Variants in CPD observed in about 807,000 individuals in gnomAD.
CPD encodes metallocarboxypeptidase D.
Under a neutral mutation model 138.3 loss-of-function variants are expected in CPD, and 69 were observed. The observed-to-expected ratio is 0.50, with a 90% CI of 0.41 to 0.61. The LOEUF is 0.61. CPD is among the 20% of genes least tolerant of loss of function. CPD has a pLI of 0.00. For synonymous variants in CPD, 651 were observed against 642.1 expected (o/e 1.01, Z -0.21); for missense variants, 1,432 against 1,733.3 (o/e 0.83, Z 3.09).
rs748823047 is a variant in CPD, at chr17:30,427,382, A to G, written c.1850-9A>G. On this transcript the variant is annotated splice_polypyrimidine_tract_variant and intron_variant, in intron 6 of 20. Transcript: ENST00000225719. ...GGCTTATATTCAAATCCTTTATCAT[A>G]TCATACAGGAGATTCAATAAGTGTA... 3.7e-6 allele frequency: 6 copies of G among 1,612,998 alleles called. No individual in the cohort carries two copies. The highest frequency in any genetic ancestry group is 4.2e-6 in the Non-Finnish European group (5 of 1,179,122).
At chr17:30,463,975 T>C (rs1292854977) in intron 20 of CPD, among the ~76,000 whole-genome samples, 6 of 151,962 alleles carry the variant, frequency 3.9e-5, no homozygotes, top group Admixed American at 2.6e-4. Context: ...TTGGATGAAA[T>C]GAAAGTTTAC....
At chr17:30,414,883 A>G (rs993306017) in intron 2 of CPD, among the ~76,000 whole-genome samples, 46 of 152,224 alleles carry the variant, frequency 3.0e-4, no homozygotes, top group African/African-American at 9.6e-4. Flanking sequence ...GTGATATCCA[A>G]GTAAAGATTT....
intron 2 of CPD, among the ~76,000 whole-genome samples, chr17:30,390,803 T>C (rs1287504209): frequency 2.0e-5 from 3 of 152,014 alleles, no homozygotes; most frequent in African/African-American, 7.2e-5. Context: ...TTGTGAGACC[T>C]ACTCTGGACT....
intron 11 of CPD, among the ~76,000 whole-genome samples, chr17:30,445,325 C>T (rs1399530262): frequency 2.0e-5 from 3 of 151,932 alleles, no homozygotes; most frequent in Non-Finnish European, 4.4e-5. Flanking sequence ...ATTATCCAGG[C>T]ATGGTGGTGG....
intron 6 of CPD, among the ~76,000 whole-genome samples, chr17:30,425,005 AT>A (rs1912365807): frequency 6.6e-6 from 1 of 152,026 alleles, no homozygotes; most frequent in South Asian, 2.1e-4. Flanking sequence ...TATATTTCAG[AT>A]TTTTCCCCCT....
Position 30,461,967 on chromosome 17 carries a change from C to G in CPD, c.3721C>G (p.Gln1241Glu), listed in dbSNP as rs1913487686. ...TGTACTTAATGAAGGAATAAAGGTA[C>G]AAACAAAAGAGGGAGGTTATTTCCA... is the stretch of plus-strand genomic sequence containing the variant. ...VIVLNEGIKV[Q>E]TKEGGYFHVL... Residue 1241 changes from glutamine (Q) to glutamate (E), a missense_variant, in exon 19 of 21, where the codon CAA (glutamine) becomes GAA (glutamate). Around this residue, in one of 6 missense-constraint regions of CPD, gnomAD observed 366 missense variants for 518.8 expected, o/e 0.71. Coordinates refer to ENST00000225719, the MANE Select transcript of CPD (RefSeq NM_001304.5). 8 of 1,613,754 alleles carry G rather than the reference C, an allele frequency of 5.0e-6. No homozygotes were observed. In the East Asian group the frequency reaches 6.7e-5, roughly 13 times the overall value.
Position 30,458,948 on chromosome 17 carries a change from T to C in CPD, c.3499-2232T>C, listed in dbSNP as rs1296825490. On this transcript the variant is annotated intron_variant, in intron 17 of 20. Coordinates refer to ENST00000225719, the MANE Select transcript of CPD (RefSeq NM_001304.5). ...TTGATGCAGTTTATTTTTTATGGTATGAAGTAGGAGTTCAACTTCGTTTGT... is the reference window on the plus strand; with the variant it reads ...TTGATGCAGTTTATTTTTTATGGTACGAAGTAGGAGTTCAACTTCGTTTGT... Among the ~76,000 whole-genome samples, 6 of 151,670 alleles carry C rather than the reference T, an allele frequency of 4.0e-5. No homozygotes were observed. In the East Asian group the frequency reaches 9.6e-4, roughly 24 times the overall value.
At chr17:30,382,694 T>C (rs536855081) in intron 1 of CPD, among the ~76,000 whole-genome samples, 1 of 152,222 alleles carries the variant, frequency 6.6e-6, no homozygotes, top group Non-Finnish European at 1.5e-5. Flanking sequence ...TTGGAAGAAA[T>C]GTTGAACAAA....
At chr17:30,452,889 C>G (rs1567883098) in intron 14 of CPD, among the ~76,000 whole-genome samples, 1 of 151,744 alleles carries the variant, frequency 6.6e-6, no homozygotes, top group East Asian at 1.9e-4. Flanking sequence ...ATGGTGGCAG[C>G]AAGAGAGTGT....
chr17:30,444,169 T>A (rs1232628616), intron 11 of CPD, 198 bp downstream of exon 11: 1 of 460,996 alleles, frequency 2.2e-6, no homozygotes, highest in African/African-American at 1.9e-5. Context: ...GAAAGATTCC[T>A]GGGGTAAATA....
At chr17:30,417,466 A>G (rs1174193908) in intron 2 of CPD, among the ~76,000 whole-genome samples, 1 of 152,156 alleles carries the variant, frequency 6.6e-6, no homozygotes, top group Non-Finnish European at 1.5e-5. Flanking sequence ...TAAATATTCT[A>G]CAAATACCTC....
At position 30,467,790 on chromosome 17, in the gene CPD, T is replaced by C. The variant is rs1913683554; in HGVS notation, c.*2976T>C. ...TTCTCAACATTAAATAGTTTTATCTTGTTGTTGCCAGAAATGCACTTGTGC... is the reference window on the plus strand; with the variant it reads ...TTCTCAACATTAAATAGTTTTATCTCGTTGTTGCCAGAAATGCACTTGTGC... On this transcript the variant is annotated 3_prime_UTR_variant, in exon 21 of 21. Coordinates refer to ENST00000225719, the MANE Select transcript of CPD (RefSeq NM_001304.5). The C allele has an allele frequency of 3.3e-5, 5 of 152,188 alleles. No homozygotes were observed. The highest frequency in any genetic ancestry group is 3.3e-4 in the Admixed American group (5 of 15,274). 9.4% of individuals were successfully genotyped at this position (152,188 alleles called of 1,614,324 possible).
intron 2 of CPD, among the ~76,000 whole-genome samples, chr17:30,387,535 CAGATGT>C (rs1045217842): frequency 1.3e-5 from 2 of 152,132 alleles, no homozygotes; most frequent in African/African-American, 4.8e-5. Flanking sequence ...TTTTTATGCA[CAGATGT>C]AGATGTAGAG....
chr17:30,389,225 CCTG>C lies in CPD; in HGVS notation c.994+3998_994+4000del, dbSNP rs1327647452. Among the ~76,000 whole-genome samples the C allele has an allele frequency of 4.6e-5, 7 of 152,308 alleles. No individual in the cohort carries two copies. In the East Asian group the frequency reaches 9.7e-4, roughly 21 times the overall value. ...TCCGCCTCCTTCCCGCACCTTCCGG[CCTG>C]CTGCTGCTATCACTTTCTAGAATTT... On this transcript the variant is annotated intron_variant, in intron 2 of 20. Transcript: ENST00000225719.
At chr17:30,395,999 G>T (rs1459276411) in intron 2 of CPD, among the ~76,000 whole-genome samples, 1 of 152,010 alleles carries the variant, frequency 6.6e-6, no homozygotes, top group Admixed American at 6.6e-5. Flanking sequence ...TTTTTTAAGA[G>T]CAACCTCTGA....
intron 2 of CPD, among the ~76,000 whole-genome samples, chr17:30,417,925 CTG>C (rs1441089132): frequency 6.6e-6 from 1 of 152,164 alleles, no homozygotes; most frequent in African/African-American, 2.4e-5. Context: ...CCCTGCAGCT[CTG>C]TGCTGCTGCC....
At chr17:30,380,239 G>A (rs951193710) in intron 1 of CPD, 3 of 172,132 alleles carry the variant, frequency 1.7e-5, no homozygotes, top group Admixed American at 6.3e-5. Flanking sequence ...ACATAGGAGT[G>A]TGGCTGGGAC....
At chr17:30,407,297 G>A (rs1250666743) in intron 2 of CPD, among the ~76,000 whole-genome samples, 2 of 152,178 alleles carry the variant, frequency 1.3e-5, no homozygotes, top group Non-Finnish European at 2.9e-5. Context: ...TGTCTTTATA[G>A]TAGCATGATT....
intron 2 of CPD, among the ~76,000 whole-genome samples, chr17:30,396,892 C>T (rs746051572): frequency 9.9e-5 from 15 of 150,918 alleles, no homozygotes; most frequent in Admixed American, 2.6e-4. Context: ...AGTTTTCATA[C>T]GTATTCTTTC....
Sources: allele counts gnomAD v4.1 joint callset (sites outside exome capture counted in the v4.1 genomes callset), GRCh38; gene constraint gnomAD v4.1.1; regional missense constraint gnomAD v4.1.1; transcripts MANE v1.5; gene names NCBI Gene and HGNC (gene_info 2026-07-23, HGNC 2026-07-21).